The following ADAM19 variants were observed in gnomAD, a reference collection of about 807,000 sequenced individuals.
The protein encoded by ADAM19 is ADAM metallopeptidase domain 19.
ADAM19 carries 65 observed loss-of-function variants against 114.7 expected under a neutral mutation model. That is an observed-to-expected ratio of 0.57 (90% confidence interval 0.46 to 0.70). ADAM19 has a LOEUF of 0.70. ADAM19 is among the 30% of genes least tolerant of loss of function. ADAM19 has a pLI of 0.00. For missense variants in ADAM19, 1,063 were observed against 1,204.7 expected (o/e 0.88, Z 1.74); for synonymous variants, 466 against 460.5 (o/e 1.01, Z -0.15).
chr5:157,543,256 T>C (rs1330021754), intron 3 of ADAM19, among the ~76,000 whole-genome samples: 1 of 152,218 alleles, frequency 6.6e-6, no homozygotes, highest in Admixed American at 6.5e-5. Context: ...TGTATTTGTA[T>C]AAAAATTGTT....
At chr5:157,508,233 G>A (rs1755807810) in intron 9 of ADAM19, among the ~76,000 whole-genome samples, 1 of 152,230 alleles carries the variant, frequency 6.6e-6, no homozygotes, top group Admixed American at 6.5e-5. Flanking sequence ...TTTGGGGACA[G>A]TTATTTTTCC....
intron 3 of ADAM19, among the ~76,000 whole-genome samples, chr5:157,562,848 C>T (rs1757546742): frequency 6.6e-6 from 1 of 152,134 alleles, no homozygotes. Flanking sequence ...AGTCCTGGGA[C>T]TCCTGCTTGG....
chr5:157,497,620 T>A (rs527329715), intron 13 of ADAM19, among the ~76,000 whole-genome samples: 1 of 143,958 alleles, frequency 6.9e-6, no homozygotes, highest in South Asian at 2.2e-4. Flanking sequence ...TCACATAACA[T>A]CTGTGAGTTT....
intron 16 of ADAM19, among the ~76,000 whole-genome samples, chr5:157,492,296 GA>G (rs1027398980): frequency 6.6e-6 from 1 of 151,744 alleles, no homozygotes; most frequent in Non-Finnish European, 1.5e-5. Flanking sequence ...CATCTTAAAA[GA>G]AAAAAAGTAT....
chr5:157,541,697 C>T (rs1350949259), intron 3 of ADAM19, among the ~76,000 whole-genome samples: 3 of 150,904 alleles, frequency 2.0e-5, no homozygotes, highest in African/African-American at 4.8e-5. Flanking sequence ...AGCTCAGACC[C>T]GTCTTTCCTA....
rs1755720987 is a variant in ADAM19, at chr5:157,505,718, A to G, written c.1081T>C (p.Cys361Arg). ...FGMTHDSADC[C>R]SASAADGGCI... Reference sequence around the variant, plus strand: ...CCACCATCAGCCGCACTGGCCGAGCAGCAATCTGCAGAATCATGGGTCATG... The same window carrying G: ...CCACCATCAGCCGCACTGGCCGAGCGGCAATCTGCAGAATCATGGGTCATG... Residue 361 changes from cysteine to arginine, a missense_variant, in exon 11 of 23, where the codon TGC (cysteine) becomes CGC (arginine). Cys to Arg is a radical substitution (Grantham distance 180, BLOSUM62 -3). This residue lies in a region of ADAM19 where 615 missense variants were observed against 706.3 expected (regional missense o/e 0.87). Transcript: ENST00000257527. 3.7e-6 allele frequency: 6 copies of G among 1,614,144 alleles called. No homozygotes were observed. Among genetic ancestry groups the G allele is most frequent in the Non-Finnish European group, 4.2e-6 (5 of 1,180,004 alleles).
chr5:157,525,157 A>C (rs1030012022), intron 5 of ADAM19, among the ~76,000 whole-genome samples: 13 of 152,210 alleles, frequency 8.5e-5, no homozygotes, highest in Non-Finnish European at 1.6e-4. Context: ...GTCTGGCTCC[A>C]GAATCTAAAT....
At chr5:157,492,041 C>A (rs1430443053) in intron 16 of ADAM19, 129 bp from the exon 17 acceptor site, 1 of 803,770 alleles carries the variant, frequency 1.2e-6, no homozygotes, top group African/African-American at 1.7e-5. Flanking sequence ...CCTGTAATCC[C>A]AGCACTTTGG....
At chr5:157,574,633 T>C (rs1181784847) in intron 1 of ADAM19, among the ~76,000 whole-genome samples, 1 of 152,192 alleles carries the variant, frequency 6.6e-6, no homozygotes, top group East Asian at 1.9e-4. Flanking sequence ...CCAGCCCGTC[T>C]GCAGCGGTGG....
intron 7 of ADAM19, 92 bp from the exon 8 acceptor site, chr5:157,513,597 T>C: frequency 8.4e-7 from 1 of 1,194,062 alleles, no homozygotes; most frequent in Non-Finnish European, 1.2e-6. Context: ...TTGCTCTTAT[T>C]TTCTTCTGTC....
intron 18 of ADAM19, among the ~76,000 whole-genome samples, chr5:157,491,385 G>T (rs1357674949): frequency 1.3e-5 from 2 of 152,174 alleles, no homozygotes; most frequent in Non-Finnish European, 2.9e-5. Flanking sequence ...CTACTAAGCG[G>T]GCTCCCCCTC....
intron 3 of ADAM19, among the ~76,000 whole-genome samples, chr5:157,546,008 C>T (rs11737985): frequency 0.44 from 66,276 of 152,146 alleles, 17,121 homozygotes; most frequent in African/African-American, 0.73. Flanking sequence ...CACTTGCACC[C>T]TCCACAAACA....
rs1754726111 is a variant in ADAM19, at chr5:157,480,940, T to C, written c.*9A>G. On this transcript the variant is annotated 3_prime_UTR_variant, in exon 23 of 23. Coordinates refer to ENST00000257527, the MANE Select transcript of ADAM19 (RefSeq NM_033274.5). ...AGCTCAAGGAAAGGGAGAAGCCCCT[T>C]GGACAGGTCTAGATTTTCGAGCTAA... 3 of 1,614,022 alleles carry C rather than the reference T, an allele frequency of 1.9e-6. No homozygotes were observed. The highest frequency in any genetic ancestry group is 1.1e-5 in the South Asian group (1 of 91,084).
chr5:157,555,962 T>C (rs1035983567), intron 3 of ADAM19, among the ~76,000 whole-genome samples: 2 of 152,162 alleles, frequency 1.3e-5, no homozygotes, highest in African/African-American at 4.8e-5. Flanking sequence ...CTCTTATAAA[T>C]ATATTTGCCA....
intron 18 of ADAM19, 31 bp downstream of exon 18, chr5:157,491,584 C>A (rs535681267): frequency 2.1e-6 from 3 of 1,419,654 alleles, no homozygotes; most frequent in African/African-American, 1.4e-5. Context: ...CTCACAAAAG[C>A]GGGCAGTGGC....
intron 3 of ADAM19, among the ~76,000 whole-genome samples, chr5:157,545,881 G>A (rs1468601512): frequency 6.6e-6 from 1 of 152,206 alleles, no homozygotes; most frequent in Admixed American, 6.5e-5. Context: ...AGGCCACCTG[G>A]CATCAGGAGG....
At chr5:157,520,066 AT>A (rs759081259) in intron 5 of ADAM19, 35 bp from the exon 6 acceptor site, 1 of 1,577,982 alleles carries the variant, frequency 6.3e-7, no homozygotes, top group Non-Finnish European at 8.6e-7. Context: ...CTGGTCAAAG[AT>A]TATGGTTCTG....
intron 3 of ADAM19, among the ~76,000 whole-genome samples, chr5:157,553,756 A>G (rs1393422698): frequency 6.6e-6 from 1 of 152,248 alleles, no homozygotes; most frequent in African/African-American, 2.4e-5. Context: ...GAAATTAATA[A>G]ATTTTGATTC....
At chr5:157,500,016 T>G (rs1755508550) in intron 12 of ADAM19, among the ~76,000 whole-genome samples, 1 of 152,050 alleles carries the variant, frequency 6.6e-6, no homozygotes, top group African/African-American at 2.4e-5. Flanking sequence ...TGACCTCAAG[T>G]GATCCACCTG....
Sources: gnomAD v4.1 joint callset for allele counts (sites outside exome capture counted in the v4.1 genomes callset) on GRCh38, gnomAD v4.1.1 for gene constraint, gnomAD v4.1.1 regional missense constraint, MANE v1.5 for transcripts, NCBI Gene and HGNC (gene_info 2026-07-23, HGNC 2026-07-21) for gene names.